The following KIF16B variants were observed in gnomAD, a reference collection of about 807,000 sequenced individuals.
KIF16B encodes the protein kinesin family member 16B.
A neutral mutation model predicts 156.3 loss-of-function variants in KIF16B; 98 were observed. The ratio of observed to expected loss-of-function variants is 0.63; its 90% CI spans 0.53 to 0.74. The LOEUF is 0.74. Ranked by LOEUF, KIF16B falls within the 30% of genes least tolerant of loss-of-function variation. The pLI is 0.00. For missense variants in KIF16B, 1,421 were observed against 1,606.5 expected (o/e 0.88, Z 1.97); for synonymous variants, 564 against 583.7 (o/e 0.97, Z 0.49).
intron 22 of KIF16B, chr20:16,369,178 C>T (rs2064755151): frequency 1.0e-6 from 1 of 985,816 alleles, no homozygotes; most frequent in Non-Finnish European, 1.2e-6. Flanking sequence ...ATCCACCTCC[C>T]TCCTCTCCTC....
chr20:16,313,121 T>C (rs2063645996), intron 24 of KIF16B, among the ~76,000 whole-genome samples: 1 of 152,254 alleles, frequency 6.6e-6, no homozygotes, highest in East Asian at 1.9e-4. Context: ...GATAGGATTC[T>C]ATAATCTGAT....
At position 16,273,227 on chromosome 20, in the gene KIF16B, T is replaced by C; in HGVS notation, c.*26A>G. 2 of 1,607,708 alleles carry C rather than the reference T, an allele frequency of 1.2e-6. No individual in the cohort carries two copies. Among genetic ancestry groups the C allele is most frequent in the Non-Finnish European group, 1.7e-6 (2 of 1,174,562 alleles). ...CCGCTTCGACGAGAAGGCACTGCTGTGGTGGTTCCTCCATCACCCCTGGCT... is the reference window on the plus strand; with the variant it reads ...CCGCTTCGACGAGAAGGCACTGCTGCGGTGGTTCCTCCATCACCCCTGGCT... On this transcript the variant is annotated 3_prime_UTR_variant, in exon 26 of 26. Coordinates refer to ENST00000354981, the MANE Select transcript of KIF16B (RefSeq NM_024704.5).
chr20:16,324,790 G>A (rs1437077148), intron 24 of KIF16B, among the ~76,000 whole-genome samples: 4 of 151,788 alleles, frequency 2.6e-5, no homozygotes, highest in Admixed American at 6.6e-5. Flanking sequence ...CCACCCTAAA[G>A]CATTCTTTAA....
chr20:16,457,516 G>A (rs1239335466), intron 12 of KIF16B, among the ~76,000 whole-genome samples: 1 of 152,182 alleles, frequency 6.6e-6, no homozygotes, highest in Non-Finnish European at 1.5e-5. Flanking sequence ...CCAGGGGTGT[G>A]AGGCGGGTCC....
chr20:16,329,619 C>T (rs978319522), intron 24 of KIF16B, among the ~76,000 whole-genome samples: 9 of 152,084 alleles, frequency 5.9e-5, no homozygotes, highest in African/African-American at 1.7e-4. Context: ...ACTTTACAGA[C>T]GTGAACTGGA....
intron 22 of KIF16B, among the ~76,000 whole-genome samples, chr20:16,361,141 T>C (rs1205380580): frequency 6.6e-6 from 1 of 152,222 alleles, no homozygotes; most frequent in African/African-American, 2.4e-5. Context: ...CCTGTCCCTG[T>C]TCCAACCATA....
chr20:16,316,022 T>A (rs971021886), intron 24 of KIF16B, among the ~76,000 whole-genome samples: 7 of 152,230 alleles, frequency 4.6e-5, no homozygotes, highest in African/African-American at 1.7e-4. Flanking sequence ...CCCTTCCCTC[T>A]GATATAGTAG....
chr20:16,572,845 C>A (rs1408537566), intron 1 of KIF16B, among the ~76,000 whole-genome samples: 1 of 151,668 alleles, frequency 6.6e-6, no homozygotes, highest in Non-Finnish European at 1.5e-5. Context: ...AAGAGAACTT[C>A]TGAGTTGGTA....
At chr20:16,497,291 G>GAATGTTGAAC (rs2068478287) in intron 11 of KIF16B, among the ~76,000 whole-genome samples, 1 of 152,230 alleles carries the variant, frequency 6.6e-6, no homozygotes, top group Admixed American at 6.5e-5. Flanking sequence ...ACTGTTTCAT[G>GAATGTTGAAC]AATGTTGAAC....
chr20:16,566,902 G>A (rs1176095911), intron 1 of KIF16B, among the ~76,000 whole-genome samples: 1 of 152,168 alleles, frequency 6.6e-6, no homozygotes, highest in Non-Finnish European at 1.5e-5. Flanking sequence ...GGCCAGCATA[G>A]GGATCTAGAG....
At chr20:16,303,471 T>C (rs989993470) in intron 25 of KIF16B, among the ~76,000 whole-genome samples, 2 of 152,214 alleles carry the variant, frequency 1.3e-5, no homozygotes, top group East Asian at 3.8e-4. Flanking sequence ...CTCAGAGGGG[T>C]TAAATAACTT....
intron 22 of KIF16B, among the ~76,000 whole-genome samples, chr20:16,356,839 ACACT>A (rs1362304099): frequency 2.6e-5 from 4 of 152,224 alleles, no homozygotes; most frequent in Non-Finnish European, 5.9e-5. Context: ...TTTTCTTCAC[ACACT>A]ATCAGACAGC....
At chr20:16,380,681 C>A (rs547979958) in intron 18 of KIF16B, among the ~76,000 whole-genome samples, 3 of 152,284 alleles carry the variant, frequency 2.0e-5, no homozygotes, top group East Asian at 1.9e-4. Flanking sequence ...TAGTTTGGGA[C>A]AAATGGTGAT....
chr20:16,350,447 C>A (rs1162544333), intron 23 of KIF16B, among the ~76,000 whole-genome samples: 1 of 151,980 alleles, frequency 6.6e-6, no homozygotes, highest in Non-Finnish European at 1.5e-5. Flanking sequence ...AAAGCCAAGA[C>A]AAAACAGATG....
intron 12 of KIF16B, among the ~76,000 whole-genome samples, chr20:16,462,811 A>G (rs1181370278): frequency 6.6e-6 from 1 of 152,168 alleles, no homozygotes; most frequent in Non-Finnish European, 1.5e-5. Context: ...GGCAAATGCC[A>G]GCAGCTGTGC....
At chr20:16,349,890 A>G (rs2064302245) in intron 23 of KIF16B, among the ~76,000 whole-genome samples, 1 of 152,138 alleles carries the variant, frequency 6.6e-6, no homozygotes. Flanking sequence ...TAGAAGGGGG[A>G]GCTCACAGAC....
At chr20:16,402,226 TC>T (rs1201794703) in intron 17 of KIF16B, among the ~76,000 whole-genome samples, 1 of 152,174 alleles carries the variant, frequency 6.6e-6, no homozygotes, top group Admixed American at 6.6e-5. Context: ...AAACATCCCT[TC>T]TTCAGGAAGC....
At position 16,573,303 on chromosome 20, in the gene KIF16B, G is replaced by T. The variant is rs761410079; in HGVS notation, c.-28C>A. The T allele has an allele frequency of 6.2e-7, 1 of 1,609,000 alleles. No individual in the cohort carries two copies. Among genetic ancestry groups the T allele is most frequent in the Admixed American group, 1.7e-5 (1 of 59,770 alleles). On this transcript the variant is annotated 5_prime_UTR_variant, in exon 1 of 26. Coordinates refer to ENST00000354981, the MANE Select transcript of KIF16B (RefSeq NM_024704.5). ...CTCATCCCGAACCAGCCCGCGCGGG[G>T]TCCCACTAGCCCAGAACTCCGCGGT...
chr20:16,428,191 GTAAC>G (rs1019184672), intron 14 of KIF16B, among the ~76,000 whole-genome samples: 7 of 152,172 alleles, frequency 4.6e-5, no homozygotes, highest in African/African-American at 1.7e-4. Flanking sequence ...TGGTGCAAAA[GTAAC>G]TGTGGTTTTT....
Sources: allele counts gnomAD v4.1 joint callset (sites outside exome capture counted in the v4.1 genomes callset), GRCh38; gene constraint gnomAD v4.1.1; transcripts MANE v1.5; gene names NCBI Gene and HGNC (gene_info 2026-07-23, HGNC 2026-07-21).